Variants in KIRREL3 observed in about 807,000 individuals in gnomAD.
KIRREL3 encodes the protein kin of IRRE-like protein 3.
A neutral mutation model predicts 89.7 loss-of-function variants in KIRREL3; 36 were observed. That is an observed-to-expected ratio of 0.40 (90% CI 0.31 to 0.53). The LOEUF (loss-of-function observed/expected upper bound fraction) is 0.53. KIRREL3 is among the 20% of genes least tolerant of loss of function. The probability of loss-of-function intolerance (pLI) is 0.49; values close to 1 mark genes in which losing one functional copy is unlikely to be tolerated. For missense variants in KIRREL3, 864 were observed against 1,056.6 expected, an observed-to-expected ratio of 0.82 and a Z score of 2.53; for synonymous variants, 445 against 441.4, an observed-to-expected ratio of 1.01 and a Z score of -0.10.
intron 1 of KIRREL3, among the ~76,000 whole-genome samples, chr11:126,765,491 A>G (rs1949795097): frequency 1.3e-5 from 2 of 152,164 alleles, no homozygotes; most frequent in South Asian, 4.1e-4. Flanking sequence ...ATAATGCTTT[A>G]TCTCAACGGG....
In KIRREL3 at chr11:126,519,027, C is replaced by G. The variant is rs75328112; in HGVS notation, c.433+2288G>C. Among the ~76,000 whole-genome samples, 11,081 of 152,270 alleles carry G rather than the reference C, an allele frequency of 0.073. 1,129 individuals are homozygous for G. Among genetic ancestry groups the G allele is most frequent in the African/African-American group, 0.22 (9,309 of 41,526 alleles). On this transcript the variant is annotated intron_variant, in intron 4 of 16. Transcript: ENST00000525144. The surrounding 1 kb of genome is among the most constrained non-coding windows in gnomAD (Gnocchi z 4.3). ...GCTGGCTGAGGCTCCCTTTCTGGCT[C>G]TCAGGAATTTCACGGAGGGGACCCT... is the stretch of plus-strand genomic sequence containing the variant.
rs115215497 is a variant in KIRREL3 at position 126,989,235 on chromosome 11, G to T, written c.55+11220C>A. ...TTTCTTTTCTACAAGAGATGCTGAA[G>T]AAGTCACCTGGAATTTGCTAGTAGA... On this transcript the variant is annotated intron_variant, in intron 1 of 16. Coordinates refer to ENST00000525144, the MANE Select transcript of KIRREL3 (RefSeq NM_032531.4). This position sits in a 1 kb window ranked among gnomAD's most constrained non-coding sequence, Gnocchi z 6.2. Among the ~76,000 whole-genome samples, 278 of 152,304 alleles carry T rather than the reference G, an allele frequency of 1.8e-3. 1 individual carries two copies. Among genetic ancestry groups the T allele is most frequent in the African/African-American group, 6.3e-3 (263 of 41,568 alleles).
chr11:126,853,905 G>A (rs556206395), intron 1 of KIRREL3, among the ~76,000 whole-genome samples: 1 of 152,200 alleles, frequency 6.6e-6, no homozygotes, highest in South Asian at 2.1e-4. Context: ...TAATAGTGGG[G>A]CAGAACGTAT....
In KIRREL3 at chr11:126,428,192, T is replaced by G. The variant is rs1354975366; in HGVS notation, c.1806+987A>C. ...ACCCTCACCACAGCCCTGTATACTG[T>G]GGCTTTCAGACCCATCTCATGGATG... On this transcript the variant is annotated intron_variant, in intron 15 of 16. Transcript: ENST00000525144. The surrounding 1 kb of genome is among the most constrained non-coding windows in gnomAD (Gnocchi z 6.4). Among the ~76,000 whole-genome samples the G allele has an allele frequency of 1.3e-5, 2 of 152,228 alleles. No homozygotes were observed.
In KIRREL3 at chr11:126,668,924, C is replaced by T. The variant is rs2135049471; in HGVS notation, c.56-106012G>A. On this transcript the variant is annotated intron_variant, in intron 1 of 16. Coordinates refer to ENST00000525144, the MANE Select transcript of KIRREL3 (RefSeq NM_032531.4). This position sits in a 1 kb window ranked among gnomAD's most constrained non-coding sequence, Gnocchi z 4.4. ...TTAAGAAAATTTGAGCCGTTCCTTT[C>T]CTGCCTATGTTGGGGTGCTGGGTAC... Among the ~76,000 whole-genome samples the T allele has an allele frequency of 6.6e-6, 1 of 152,092 alleles. No homozygotes were observed. The highest frequency in any genetic ancestry group is 1.9e-4 in the East Asian group (1 of 5,176).
At position 126,428,255 on chromosome 11, in the gene KIRREL3, C is replaced by G. The variant is rs1263144924; in HGVS notation, c.1806+924G>C. ...CACCAGAAAGCCCATCTACTATATT[C>G]CTTGCTCTGCTGCCTCCACTCCAAC... On this transcript the variant is annotated intron_variant, in intron 15 of 16. Transcript: ENST00000525144. The surrounding 1 kb of genome is among the most constrained non-coding windows in gnomAD (Gnocchi z 6.4). 6.6e-6 allele frequency among the ~76,000 whole-genome samples: 1 copy of G among 152,206 alleles called. No homozygotes were observed. The highest frequency in any genetic ancestry group is 2.4e-5 in the African/African-American group (1 of 41,448).
rs1299502047 is a variant in KIRREL3, at chr11:126,441,339, G to C, written c.1253-790C>G. On this transcript the variant is annotated intron_variant, in intron 10 of 16. Coordinates refer to ENST00000525144, the MANE Select transcript of KIRREL3 (RefSeq NM_032531.4). The surrounding 1 kb of genome is among the most constrained non-coding windows in gnomAD (Gnocchi z 5.0). ...CATTCACCACATTGCACAGCCAAGA[G>C]AGTTCACCTGGTGGAGGGGAGCCTG... is the stretch of plus-strand genomic sequence containing the variant. 6.6e-6 allele frequency among the ~76,000 whole-genome samples: 1 copy of C among 152,254 alleles called. No homozygotes were observed. Among genetic ancestry groups the C allele is most frequent in the African/African-American group, 2.4e-5 (1 of 41,476 alleles).
In KIRREL3 at chr11:126,672,175, C is replaced by T. The variant is rs190654303; in HGVS notation, c.56-109263G>A. On this transcript the variant is annotated intron_variant, in intron 1 of 16. Transcript: ENST00000525144. ...AAACATGCTGAGTGTTGTGGAACAG[C>T]AAAAATCTATTTCTAAAGACTTGAA... Among the ~76,000 whole-genome samples the T allele has an allele frequency of 9.2e-5, 14 of 152,232 alleles. No individual in the cohort carries two copies. The East Asian group carries it at 2.7e-3, about 29-fold the overall frequency.
At chr11:126,915,765 C>T (rs1947012827) in intron 1 of KIRREL3, among the ~76,000 whole-genome samples, 1 of 152,192 alleles carries the variant, frequency 6.6e-6, no homozygotes, top group South Asian at 2.1e-4. Flanking sequence ...TTGTAGTCAA[C>T]CCATTCTTTG....
intron 2 of KIRREL3, among the ~76,000 whole-genome samples, chr11:126,533,421 C>T (rs536264962): frequency 4.1e-4 from 63 of 152,332 alleles, no homozygotes; most frequent in Admixed American, 9.1e-4. Context: ...CTCAAGGAAA[C>T]TCAGGAAGAA....
rs1353972347 is a variant in KIRREL3 at position 126,624,931 on chromosome 11, G to A, written c.56-62019C>T. ...TGGGGTGGGGCAGGGACTGCTGATGGCGTTTCCTAGTCACTCATCACAAGG... is the reference window on the plus strand; with the variant it reads ...TGGGGTGGGGCAGGGACTGCTGATGACGTTTCCTAGTCACTCATCACAAGG... On this transcript the variant is annotated intron_variant, in intron 1 of 16. Transcript: ENST00000525144. This position sits in a 1 kb window ranked among gnomAD's most constrained non-coding sequence, Gnocchi z 6.0. Among the ~76,000 whole-genome samples the A allele has an allele frequency of 6.6e-6, 1 of 152,050 alleles. No individual in the cohort carries two copies. The highest frequency in any genetic ancestry group is 2.4e-5 in the African/African-American group (1 of 41,394).
At chr11:126,663,791 G>A (rs1945529854) in intron 1 of KIRREL3, among the ~76,000 whole-genome samples, 1 of 152,224 alleles carries the variant, frequency 6.6e-6, no homozygotes, top group African/African-American at 2.4e-5. Context: ...GAGAGTGAGA[G>A]ACTTGGAGGC....
chr11:126,998,150 T>A (rs1195376101), intron 1 of KIRREL3, among the ~76,000 whole-genome samples: 2 of 152,206 alleles, frequency 1.3e-5, no homozygotes, highest in Non-Finnish European at 2.9e-5. Context: ...TGGGGCACAG[T>A]ACATGAGCTA....
At chr11:126,727,608 G>C (rs899537364) in intron 1 of KIRREL3, among the ~76,000 whole-genome samples, 7 of 152,136 alleles carry the variant, frequency 4.6e-5, no homozygotes, top group African/African-American at 1.7e-4. Flanking sequence ...CCCTCGGGGG[G>C]GTCTGGCCCT....
intron 1 of KIRREL3, among the ~76,000 whole-genome samples, chr11:126,959,855 C>T (rs1949032609): frequency 1.3e-5 from 2 of 152,188 alleles, no homozygotes; most frequent in South Asian, 2.1e-4. Context: ...CACAGCTAAC[C>T]CCTTCCCTTA....
Position 126,719,208 on chromosome 11 carries a change from C to T in KIRREL3, c.56-156296G>A, listed in dbSNP as rs748834821. 1.1e-4 allele frequency among the ~76,000 whole-genome samples: 16 copies of T among 152,168 alleles called. No homozygotes were observed. The highest frequency in any genetic ancestry group is 2.1e-4 in the Non-Finnish European group (14 of 68,030). On this transcript the variant is annotated intron_variant, in intron 1 of 16. Transcript: ENST00000525144. This position sits in a 1 kb window ranked among gnomAD's most constrained non-coding sequence, Gnocchi z 4.7. ...GTTTTGTCTCAAATCTAAAAATACG[C>T]CACTGAAACGGCTTCTTCCTAAATT...
At chr11:126,650,623 C>T (rs1944871411) in intron 1 of KIRREL3, among the ~76,000 whole-genome samples, 1 of 152,214 alleles carries the variant, frequency 6.6e-6, no homozygotes, top group Non-Finnish European at 1.5e-5. Context: ...CAACCTCAGC[C>T]TGGACCTTAT....
rs191492800 is a variant in KIRREL3, at chr11:126,970,826, A to T, written c.55+29629T>A. Reference sequence around the variant, plus strand: ...AGTTTCAAATAAGTGATATCTAAGGACCCATAGAAACACTTGCAAATTAGG... The same window carrying T: ...AGTTTCAAATAAGTGATATCTAAGGTCCCATAGAAACACTTGCAAATTAGG... On this transcript the variant is annotated intron_variant, in intron 1 of 16. Coordinates refer to ENST00000525144, the MANE Select transcript of KIRREL3 (RefSeq NM_032531.4). The surrounding 1 kb of genome is among the most constrained non-coding windows in gnomAD (Gnocchi z 4.4). Among the ~76,000 whole-genome samples, 41 of 152,254 alleles carry T rather than the reference A, an allele frequency of 2.7e-4. No homozygotes were observed. Among genetic ancestry groups the T allele is most frequent in the Admixed American group, 1.7e-3 (26 of 15,284 alleles).
At chr11:126,756,621 A>C (rs1165151331) in intron 1 of KIRREL3, among the ~76,000 whole-genome samples, 1 of 152,248 alleles carries the variant, frequency 6.6e-6, no homozygotes, top group African/African-American at 2.4e-5. Context: ...TCTTGGCTTC[A>C]GTAGTTACAT....
Sources: allele counts gnomAD v4.1 joint callset (sites outside exome capture counted in the v4.1 genomes callset), GRCh38; gene constraint gnomAD v4.1.1; non-coding constraint Gnocchi (gnomAD v3.1); transcripts MANE v1.5; gene names NCBI Gene and HGNC (gene_info 2026-07-23, HGNC 2026-07-21).